MAGI2: variants seen among roughly 807,000 people sequenced by gnomAD.
The protein encoded by MAGI2 is membrane-associated guanylate kinase, WW and PDZ domain-containing protein 2.
MAGI2 carries 35 observed loss-of-function variants against 133.3 expected under a neutral mutation model. The ratio of observed to expected loss-of-function variants is 0.26; its 90% CI spans 0.20 to 0.35. MAGI2 has a LOEUF of 0.35. Ranked by LOEUF, MAGI2 falls within the 10% of genes least tolerant of loss-of-function variation. The pLI is 1.00. For synonymous variants in MAGI2, 729 were observed against 710.6 expected, an observed-to-expected ratio of 1.03 and a Z score of -0.41; for missense variants, 1,636 against 1,863.4, an observed-to-expected ratio of 0.88 and a Z score of 2.25.
chr7:78,230,679 C>G (rs549900782), intron 10 of MAGI2, among the ~76,000 whole-genome samples: 4 of 152,246 alleles, frequency 2.6e-5, no homozygotes, highest in Admixed American at 6.5e-5. Context: ...GTAATTAATT[C>G]TTCTGAGGAA....
intron 1 of MAGI2, among the ~76,000 whole-genome samples, chr7:79,115,866 T>TTTTTG (rs1819359862): frequency 1.3e-5 from 2 of 149,162 alleles, no homozygotes; most frequent in African/African-American, 4.9e-5. Context: ...TTTTTTTTTT[T>TTTTTG]TTTTTTTTTT....
chr7:78,045,031 G>T (rs1309208568), intron 21 of MAGI2, among the ~76,000 whole-genome samples: 2 of 152,164 alleles, frequency 1.3e-5, no homozygotes, highest in African/African-American at 4.8e-5. Flanking sequence ...GTCGGGCGTG[G>T]TGGCACATGC....
At chr7:78,393,179 T>C (rs1209927186) in intron 6 of MAGI2, among the ~76,000 whole-genome samples, 1 of 152,134 alleles carries the variant, frequency 6.6e-6, no homozygotes, top group Non-Finnish European at 1.5e-5. Flanking sequence ...TGGAGGTGGG[T>C]GTTGCTTCTC....
chr7:78,938,971 C>A lies in MAGI2; in HGVS notation c.418+68119G>T, dbSNP rs142919139. Among the ~76,000 whole-genome samples the A allele has an allele frequency of 1.5e-3, 234 of 152,186 alleles. 6 individuals are homozygous for A. In the East Asian group the frequency reaches 0.042, roughly 27 times the overall value. On this transcript the variant is annotated intron_variant, in intron 2 of 21. Coordinates refer to ENST00000354212, the MANE Select transcript of MAGI2 (RefSeq NM_012301.4). Reference sequence around the variant, plus strand: ...AATCCATTCATGTATGCAAAACATTCATTAAGATCCCCACATATAATCGTT... The same window carrying A: ...AATCCATTCATGTATGCAAAACATTAATTAAGATCCCCACATATAATCGTT...
chr7:78,704,296 G>T (rs1343446704), intron 2 of MAGI2, among the ~76,000 whole-genome samples: 1 of 151,980 alleles, frequency 6.6e-6, no homozygotes, highest in Non-Finnish European at 1.5e-5. Context: ...ATATACATGT[G>T]GCCAAGAAGC....
At chr7:78,519,948 G>A (rs567682140) in intron 4 of MAGI2, among the ~76,000 whole-genome samples, 40 of 152,210 alleles carry the variant, frequency 2.6e-4, no homozygotes, top group East Asian at 1.2e-3. Context: ...ATGTACTATC[G>A]ATGTAATTCT....
intron 4 of MAGI2, among the ~76,000 whole-genome samples, chr7:78,507,735 A>G (rs1400995664): frequency 6.6e-6 from 1 of 152,224 alleles, no homozygotes; most frequent in Non-Finnish European, 1.5e-5. Flanking sequence ...AGGAACTCCA[A>G]TATTTGTCAG....
chr7:78,859,786 G>T (rs1794002288), intron 2 of MAGI2, among the ~76,000 whole-genome samples: 1 of 152,172 alleles, frequency 6.6e-6, no homozygotes, highest in Non-Finnish European at 1.5e-5. Flanking sequence ...ATGTTGGCCT[G>T]CCTCACTAGG....
chr7:79,419,748 T>A (rs757958866), intron 1 of MAGI2, among the ~76,000 whole-genome samples: 1 of 152,098 alleles, frequency 6.6e-6, no homozygotes, highest in Non-Finnish European at 1.5e-5. Context: ...ATTTATCTAA[T>A]GTTATAAATA....
chr7:78,161,318 G>A (rs1824952800), intron 15 of MAGI2, among the ~76,000 whole-genome samples: 1 of 152,088 alleles, frequency 6.6e-6, no homozygotes, highest in Non-Finnish European at 1.5e-5. Flanking sequence ...TTAATACCTA[G>A]GTATTGGCAC....
chr7:79,317,046 G>T (rs933466455), intron 1 of MAGI2, among the ~76,000 whole-genome samples: 1 of 121,916 alleles, frequency 8.2e-6, no homozygotes, highest in Non-Finnish European at 1.6e-5. Context: ...TTTTGAGGCA[G>T]AGTTTCTCTC....
chr7:79,220,650 C>A (rs1830377367), intron 1 of MAGI2, among the ~76,000 whole-genome samples: 1 of 151,994 alleles, frequency 6.6e-6, no homozygotes, highest in African/African-American at 2.4e-5. Context: ...TGCTCGGGGG[C>A]TAAATAAGTC....
At chr7:78,420,151 G>T (rs1432548821) in intron 6 of MAGI2, among the ~76,000 whole-genome samples, 1 of 152,146 alleles carries the variant, frequency 6.6e-6, no homozygotes, top group Non-Finnish European at 1.5e-5. Flanking sequence ...TTGAAAGCCT[G>T]CTCATCATTT....
At chr7:79,096,561 T>G (rs1013388034) in intron 1 of MAGI2, among the ~76,000 whole-genome samples, 4 of 152,228 alleles carry the variant, frequency 2.6e-5, no homozygotes, top group African/African-American at 4.8e-5. Flanking sequence ...TCTGAAGTTC[T>G]GATGAATACA....
In MAGI2 at chr7:78,406,188, A is replaced by G. The variant is rs544571930; in HGVS notation, c.1046-36975T>C. Among the ~76,000 whole-genome samples the G allele has an allele frequency of 1.1e-4, 16 of 152,168 alleles. No homozygotes were observed. The South Asian group carries it at 2.3e-3, about 22-fold the overall frequency. On this transcript the variant is annotated intron_variant, in intron 6 of 21. Coordinates refer to ENST00000354212, the MANE Select transcript of MAGI2 (RefSeq NM_012301.4). ...AGAAAAAAATTGAGACCCTCCAAAT[A>G]AGCATTTTAATTCTCATTTACGAGC...
At position 78,932,056 on chromosome 7, in the gene MAGI2, C is replaced by T. The variant is rs534171206; in HGVS notation, c.418+75034G>A. On this transcript the variant is annotated intron_variant, in intron 2 of 21. Coordinates refer to ENST00000354212, the MANE Select transcript of MAGI2 (RefSeq NM_012301.4). ...CAGTGTCCCCATGAGAATAAAGACC[C>T]TCCCCTCCTGGCCTCCTTTGGCTGT... is the stretch of plus-strand genomic sequence containing the variant. Among the ~76,000 whole-genome samples, 75 of 151,266 alleles carry T rather than the reference C, an allele frequency of 5.0e-4. No homozygotes were observed. In the South Asian group the frequency reaches 0.011, roughly 23 times the overall value.
intron 7 of MAGI2, among the ~76,000 whole-genome samples, chr7:78,354,435 C>T (rs536831349): frequency 2.6e-5 from 4 of 152,110 alleles, no homozygotes; most frequent in South Asian, 2.1e-4. Context: ...CTCAGAATAC[C>T]GGGCAATGGC....
At chr7:79,271,666 A>ATTTT (rs71518912) in intron 1 of MAGI2, among the ~76,000 whole-genome samples, 16 of 141,786 alleles carry the variant, frequency 1.1e-4, no homozygotes, top group South Asian at 4.5e-4. Context: ...GGTGTGAGTG[A>ATTTT]TTTTTTTTTT....
Position 78,135,509 on chromosome 7 carries a change from T to C in MAGI2, c.2846-303A>G, listed in dbSNP as rs562459816. Among the ~76,000 whole-genome samples the C allele has an allele frequency of 9.9e-5, 15 of 152,270 alleles. No individual in the cohort carries two copies. The East Asian group carries it at 2.7e-3, about 27-fold the overall frequency. ...CAGCTATTTGGGCCTTACTGGGGACTGTCTGAGTTAGAATGTCCAGGCAGG... is the reference window on the plus strand; with the variant it reads ...CAGCTATTTGGGCCTTACTGGGGACCGTCTGAGTTAGAATGTCCAGGCAGG... On this transcript the variant is annotated intron_variant, in intron 16 of 21. Transcript: ENST00000354212.
Sources: gnomAD v4.1 joint callset for allele counts (sites outside exome capture counted in the v4.1 genomes callset) on GRCh38, gnomAD v4.1.1 for gene constraint, MANE v1.5 for transcripts, NCBI Gene and HGNC (gene_info 2026-07-23, HGNC 2026-07-21) for gene names.